Variants in VEZT observed in about 807,000 individuals in gnomAD.
The protein encoded by VEZT is vezatin.
In VEZT, 39 loss-of-function variants were observed where a neutral mutation model predicts 79.9. The ratio of observed to expected loss-of-function variants is 0.49; its 90% CI spans 0.38 to 0.64. The LOEUF (loss-of-function observed/expected upper bound fraction) is 0.64. Ranked by LOEUF, VEZT falls within the 30% of genes least tolerant of loss-of-function variation. The pLI, the probability that VEZT is intolerant of heterozygous loss-of-function variation, is 0.00. For missense variants in VEZT, 837 were observed against 893.1 expected, an observed-to-expected ratio of 0.94 and a Z score of 0.80; for synonymous variants, 325 against 327.6, an observed-to-expected ratio of 0.99 and a Z score of 0.09.
At chr12:95,298,273 A>G (rs1422823003) in intron 11 of VEZT, among the ~76,000 whole-genome samples, 1 of 152,018 alleles carries the variant, frequency 6.6e-6, no homozygotes, top group Non-Finnish European at 1.5e-5. Context: ...TCCTAACACT[A>G]CAGACCCTCA....
intron 1 of VEZT, among the ~76,000 whole-genome samples, chr12:95,232,611 C>T (rs1386823998): frequency 6.6e-6 from 1 of 152,108 alleles, no homozygotes; most frequent in African/African-American, 2.4e-5. Context: ...CCTGTGTTTT[C>T]TTGTTGCTTT....
intron 3 of VEZT, chr12:95,258,189 A>G (rs1427773455): frequency 6.6e-6 from 3 of 453,800 alleles, no homozygotes; most frequent in Non-Finnish European, 1.3e-5. Flanking sequence ...TTGAAGGTGT[A>G]TTGAGAAGGT....
Position 95,274,780 on chromosome 12 carries a change from A to T in VEZT, c.887A>T (p.Tyr296Phe). 1.2e-6 allele frequency: 2 copies of T among 1,613,694 alleles called. No individual in the cohort carries two copies. The highest frequency in any genetic ancestry group is 1.7e-6 in the Non-Finnish European group (2 of 1,179,758). ...TCTGAGAGTGACAATGTAACCAACT[A>T]CATCTGTGTGGTGCCTTTTAAAGAG... The part of the protein sequence containing the change: ...LNSESDNVTN[Y>F]ICVVPFKELG... Residue 296 changes from tyrosine to phenylalanine, a missense_variant, in exon 7 of 12, where the codon TAC (tyrosine) becomes TTC (phenylalanine). Coordinates refer to ENST00000436874, the MANE Select transcript of VEZT (RefSeq NM_017599.4).
At chr12:95,232,825 A>T (rs2059449249) in intron 1 of VEZT, among the ~76,000 whole-genome samples, 1 of 152,058 alleles carries the variant, frequency 6.6e-6, no homozygotes, top group African/African-American at 2.4e-5. Flanking sequence ...GGGTTTTTTG[A>T]GACAGAGTCT....
At chr12:95,236,925 A>G (rs1197482159) in intron 1 of VEZT, among the ~76,000 whole-genome samples, 1 of 152,204 alleles carries the variant, frequency 6.6e-6, no homozygotes, top group Non-Finnish European at 1.5e-5. Context: ...GCTCATCTGA[A>G]GCAAAAATAA....
At chr12:95,235,646 G>A (rs1332254804) in intron 1 of VEZT, among the ~76,000 whole-genome samples, 2 of 142,056 alleles carry the variant, frequency 1.4e-5, no homozygotes, top group African/African-American at 5.3e-5. Context: ...CCTCCCGGAT[G>A]GGGCGGCTGG....
chr12:95,253,814 AC>A (rs2063011117), intron 2 of VEZT, among the ~76,000 whole-genome samples: 1 of 152,128 alleles, frequency 6.6e-6, no homozygotes, highest in Non-Finnish European at 1.5e-5. Context: ...TTAAAAAATT[AC>A]CAGGCTGGGC....
chr12:95,251,217 G>T (rs926872282), intron 1 of VEZT, among the ~76,000 whole-genome samples: 4 of 152,034 alleles, frequency 2.6e-5, no homozygotes, highest in Admixed American at 2.6e-4. Flanking sequence ...CACCATGTTG[G>T]CCAGGCTGGT....
intron 2 of VEZT, among the ~76,000 whole-genome samples, chr12:95,255,880 C>G (rs557975942): frequency 6.6e-6 from 1 of 152,262 alleles, no homozygotes; most frequent in Non-Finnish European, 1.5e-5. Context: ...AATGTTCATA[C>G]TATTATGGTG....
At chr12:95,223,138 C>G (rs2057877804) in intron 1 of VEZT, among the ~76,000 whole-genome samples, 1 of 152,026 alleles carries the variant, frequency 6.6e-6, no homozygotes. Context: ...CTTAACTTGT[C>G]TAAGCTTCAG....
At chr12:95,292,122 G>T (rs1421977682) in intron 9 of VEZT, among the ~76,000 whole-genome samples, 1 of 152,084 alleles carries the variant, frequency 6.6e-6, no homozygotes, top group Non-Finnish European at 1.5e-5. Context: ...TTTGTTAAAT[G>T]GATTGCATGC....
At chr12:95,276,104 A>G (rs2067652571) in intron 7 of VEZT, among the ~76,000 whole-genome samples, 1 of 152,144 alleles carries the variant, frequency 6.6e-6, no homozygotes, top group South Asian at 2.1e-4. Context: ...AGGTGTATGA[A>G]GCAAAATTGC....
At position 95,253,581 on chromosome 12, in the gene VEZT, G is replaced by A. The variant is rs1593459310; in HGVS notation, c.168+1510G>A. Among the ~76,000 whole-genome samples the A allele has an allele frequency of 2.6e-5, 4 of 152,180 alleles. No homozygotes were observed. In the East Asian group the frequency reaches 7.7e-4, roughly 29 times the overall value. ...TACTTGGCAACACAAAACAAAGAATGGCCAGGGGATAGTCTTAGAGCAGCA... is the reference window on the plus strand; with the variant it reads ...TACTTGGCAACACAAAACAAAGAATAGCCAGGGGATAGTCTTAGAGCAGCA... On this transcript the variant is annotated intron_variant, in intron 2 of 11. Transcript: ENST00000436874.
rs2075095220 is a variant in VEZT, at chr12:95,300,592, C to T, written c.2259C>T (p.Thr753=). 2 of 1,613,764 alleles carry T rather than the reference C, an allele frequency of 1.2e-6. No individual in the cohort carries two copies. Among genetic ancestry groups the T allele is most frequent in the Non-Finnish European group, 1.7e-6 (2 of 1,179,778 alleles). The stretch of plus-strand genomic sequence containing the variant: ...TGGCTGCTAGATCTCTCTCCTTTAC[C>T]ACCATGCAGGAACAGACTTTTGGTG... ...AEVAARSLSF[T]TMQEQTFGGE... is the part of the protein sequence containing the mutation. The change falls in exon 12 of 12, where the codon ACC becomes ACT. Residue 753 remains threonine, a synonymous_variant. Coordinates refer to ENST00000436874, the MANE Select transcript of VEZT (RefSeq NM_017599.4).
At position 95,266,584 on chromosome 12, in the gene VEZT, C is replaced by G. The variant is rs201956606; in HGVS notation, c.662C>G (p.Ala221Gly). The change falls in exon 5 of 12, where the codon GCT (alanine) becomes GGT (glycine). Residue 221 changes from alanine to glycine, a missense_variant. Physicochemically the swap from Ala to Gly is moderately conservative, Grantham distance 60. Coordinates refer to ENST00000436874, the MANE Select transcript of VEZT (RefSeq NM_017599.4). The stretch of plus-strand genomic sequence containing the variant: ...GCTTTTACTAACCTCGTGAGAAAAG[C>G]TTTACGTCTCATTCAAGAAACCGAA... ...SRAFTNLVRKALRLIQETEVI... is the reference protein window; with the variant it reads ...SRAFTNLVRKGLRLIQETEVI... 2.6e-4 allele frequency: 425 copies of G among 1,613,342 alleles called. 2 individuals are homozygous for G. The highest frequency in any genetic ancestry group is 1.6e-4 in the Middle Eastern group (1 of 6,082).
At chr12:95,230,544 T>A (rs566735725) in intron 1 of VEZT, among the ~76,000 whole-genome samples, 34 of 151,212 alleles carry the variant, frequency 2.2e-4, no homozygotes, top group Non-Finnish European at 4.4e-4. Flanking sequence ...CACCTCATCC[T>A]GTGTGAGCCA....
rs1461734488 is a variant in VEZT at position 95,266,635 on chromosome 12, G to A, written c.710+3G>A. 1.3e-6 allele frequency: 2 copies of A among 1,575,664 alleles called. No individual in the cohort carries two copies. The highest frequency in any genetic ancestry group is 3.6e-5 in the Admixed American group (2 of 55,038). ...GTGATTTCCAGAGGATTTACACTGT[G>A]AGTTCATTTTTTATTTTATTTCTTA... is the stretch of plus-strand genomic sequence containing the variant. On this transcript the variant is annotated splice_donor_region_variant and intron_variant, in intron 5 of 11. Coordinates refer to ENST00000436874, the MANE Select transcript of VEZT (RefSeq NM_017599.4).
intron 5 of VEZT, 58 bp downstream of exon 5, chr12:95,266,690 A>C: frequency 6.9e-7 from 1 of 1,448,238 alleles, no homozygotes; most frequent in Admixed American, 2.3e-5. Flanking sequence ...ATAAAGGAGA[A>C]TATTTATTAC....
intron 11 of VEZT, chr12:95,296,564 T>C (rs1249754614): frequency 3.6e-5 from 7 of 193,700 alleles, no homozygotes; most frequent in Non-Finnish European, 6.2e-5. Context: ...TTAGTGAATT[T>C]GAGATTCTCA....
Sources: allele counts gnomAD v4.1 joint callset (sites outside exome capture counted in the v4.1 genomes callset), GRCh38; gene constraint gnomAD v4.1.1; transcripts MANE v1.5; gene names NCBI Gene and HGNC (gene_info 2026-07-23, HGNC 2026-07-21).